PHLDB2: variants seen among roughly 807,000 people sequenced by gnomAD.
PHLDB2 encodes the protein pleckstrin homology like domain family B member 2, also known as pleckstrin homology-like domain family B member 2.
A neutral mutation model predicts 123.6 loss-of-function variants in PHLDB2; 71 were observed. The ratio of observed to expected loss-of-function variants is 0.57; its 90% CI spans 0.47 to 0.70. The LOEUF (loss-of-function observed/expected upper bound fraction) is 0.70, where lower values mean the gene tolerates loss of function less well. PHLDB2 is among the 30% of genes least tolerant of loss of function. PHLDB2 has a pLI of 0.00. For synonymous variants in PHLDB2, 547 were observed against 541.6 expected (o/e 1.01, Z -0.14); for missense variants, 1,446 against 1,519.5 (o/e 0.95, Z 0.80).
At position 111,967,731 on chromosome 3, in the gene PHLDB2, G is replaced by A. The variant is rs144203291; in HGVS notation, c.3222G>A (p.Arg1074=). ...KRALEEEKRR[R]EILEKRLQEE... ...CCCTGGAAGAAGAAAAACGACGCCGGGAAATCCTGGAAAAACGATTACAGG... is the reference window on the plus strand; with the variant it reads ...CCCTGGAAGAAGAAAAACGACGCCGAGAAATCCTGGAAAAACGATTACAGG... Residue 1074 remains arginine (R), a synonymous_variant, in exon 15 of 18, where the codon CGG becomes CGA. Coordinates refer to ENST00000431670, the MANE Select transcript of PHLDB2 (RefSeq NM_001134438.2). The A allele has an allele frequency of 6.2e-7, 1 of 1,612,724 alleles. No individual in the cohort carries two copies. Among genetic ancestry groups the A allele is most frequent in the Non-Finnish European group, 8.5e-7 (1 of 1,179,572 alleles).
chr3:111,950,319 C>T (rs546597798), intron 10 of PHLDB2, among the ~76,000 whole-genome samples: 3 of 152,222 alleles, frequency 2.0e-5, no homozygotes, highest in South Asian at 2.1e-4. Context: ...ATTTGTTAAA[C>T]GTTTTACTCC....
In PHLDB2 at chr3:111,832,222, A is replaced by G. The variant is rs144442227; in HGVS notation, c.-48-13599A>G. Among the ~76,000 whole-genome samples the G allele has an allele frequency of 7.5e-3, 1,146 of 152,256 alleles. 21 individuals carry two copies. Among genetic ancestry groups the G allele is most frequent in the African/African-American group, 0.026 (1,085 of 41,528 alleles). Reference sequence around the variant, plus strand: ...CACCACTTCATACCAAATACAAGTTAATCTACATCTCTTTTTCTTTTTACA... The same window carrying G: ...CACCACTTCATACCAAATACAAGTTGATCTACATCTCTTTTTCTTTTTACA... On this transcript the variant is annotated intron_variant, in intron 1 of 17. Coordinates refer to the PHLDB2 transcript ENST00000393923.
At chr3:111,865,067 C>T (rs1342844983) in intron 1 of PHLDB2, among the ~76,000 whole-genome samples, 1 of 152,170 alleles carries the variant, frequency 6.6e-6, no homozygotes, top group Non-Finnish European at 1.5e-5. Flanking sequence ...CAAAAGAAAC[C>T]CAGCTCCTAC....
At chr3:111,826,779 G>A (rs1262317320) in intron 1 of PHLDB2, among the ~76,000 whole-genome samples, 3 of 152,128 alleles carry the variant, frequency 2.0e-5, no homozygotes, top group African/African-American at 7.2e-5. Flanking sequence ...GCAGGGAGTG[G>A]TTTGATCAGC....
At chr3:111,899,242 G>T (rs1436730138) in intron 2 of PHLDB2, among the ~76,000 whole-genome samples, 2 of 152,184 alleles carry the variant, frequency 1.3e-5, no homozygotes, top group African/African-American at 4.8e-5. Flanking sequence ...TAGGTGTGTT[G>T]TCAGGGAGCA....
intron 7 of PHLDB2, 48 bp from the exon 8 acceptor site, chr3:111,940,487 T>C (rs2069800280): frequency 8.9e-7 from 1 of 1,123,448 alleles, no homozygotes; most frequent in Admixed American, 2.3e-5. Flanking sequence ...CTAGCAAACC[T>C]TTGAGTGTCT....
At chr3:111,847,389 T>A (rs941400240) in intron 2 of PHLDB2, among the ~76,000 whole-genome samples, 1 of 152,070 alleles carries the variant, frequency 6.6e-6, no homozygotes, top group Non-Finnish European at 1.5e-5. Flanking sequence ...TGCAGGAGAT[T>A]AGGGGAAAAA....
chr3:111,753,040 C>T (rs1002361158), intron 1 of PHLDB2, among the ~76,000 whole-genome samples: 1 of 152,068 alleles, frequency 6.6e-6, no homozygotes, highest in South Asian at 2.1e-4. Flanking sequence ...TCTTAATCCA[C>T]TCTATCATTG....
chr3:111,972,909 G>A (rs1167188494), intron 16 of PHLDB2, among the ~76,000 whole-genome samples: 3 of 152,088 alleles, frequency 2.0e-5, no homozygotes, highest in East Asian at 1.9e-4. Context: ...TTTTAATTGT[G>A]TTTGTTTTAC....
At chr3:111,920,499 A>G (rs1372407431) in intron 5 of PHLDB2, 80 bp downstream of exon 5, 4 of 1,511,934 alleles carry the variant, frequency 2.6e-6, no homozygotes, top group Admixed American at 3.9e-5. Flanking sequence ...TGTTGAATGC[A>G]TTACTGGGGT....
intron 1 of PHLDB2, among the ~76,000 whole-genome samples, chr3:111,763,249 C>T (rs75417509): frequency 0.05 from 7,672 of 152,306 alleles, 650 homozygotes; most frequent in African/African-American, 0.17. Flanking sequence ...GTGAACAATA[C>T]AGTGAATTTC....
chr3:111,737,423 C>T (rs540987381), intron 1 of PHLDB2, among the ~76,000 whole-genome samples: 1 of 152,092 alleles, frequency 6.6e-6, no homozygotes, highest in African/African-American at 2.4e-5. Context: ...GGGCAGTGAT[C>T]AAGCAGAGTG....
chr3:111,779,982 A>C, intron 1 of PHLDB2: 4 of 530,786 alleles, frequency 7.5e-6, no homozygotes, highest in Non-Finnish European at 9.6e-6. Flanking sequence ...GGACTCTGAC[A>C]TGTGTCTATT....
At chr3:111,851,702 C>T (rs746297160) in intron 2 of PHLDB2, among the ~76,000 whole-genome samples, 12 of 152,132 alleles carry the variant, frequency 7.9e-5, no homozygotes, top group Non-Finnish European at 1.5e-4. Context: ...TCCTGTTGTC[C>T]CGCAGCAAGA....
At chr3:111,866,014 ATTTTTTTTTT>A (rs61038523) in intron 1 of PHLDB2, among the ~76,000 whole-genome samples, 3 of 57,430 alleles carry the variant, frequency 5.2e-5, no homozygotes, top group Non-Finnish European at 8.9e-5. Context: ...CCACCCACTC[ATTTTTTTTTT>A]TTTTTTTTTT....
At chr3:111,938,000 A>C (rs922470659) in intron 6 of PHLDB2, among the ~76,000 whole-genome samples, 1 of 152,098 alleles carries the variant, frequency 6.6e-6, no homozygotes, top group African/African-American at 2.4e-5. Context: ...TTTCTAGACC[A>C]TCTGATTTTC....
At chr3:111,875,241 C>G (rs560944725) in intron 1 of PHLDB2, among the ~76,000 whole-genome samples, 2 of 152,092 alleles carry the variant, frequency 1.3e-5, no homozygotes, top group South Asian at 4.2e-4. Context: ...CTCCGCCTCC[C>G]GGGTTCAGGT....
intron 2 of PHLDB2, chr3:111,846,044 A>T (rs904501653): frequency 9.6e-6 from 11 of 1,141,388 alleles, no homozygotes; most frequent in Non-Finnish European, 1.3e-5. Flanking sequence ...GGAGTCCAGC[A>T]ATCATTGGGG....
intron 1 of PHLDB2, among the ~76,000 whole-genome samples, chr3:111,822,063 T>G (rs2062411529): frequency 6.6e-6 from 1 of 152,114 alleles, no homozygotes; most frequent in South Asian, 2.1e-4. Context: ...ATTTCAGTTT[T>G]CAGGAAACCC....
Sources: gnomAD v4.1 joint callset for allele counts (sites outside exome capture counted in the v4.1 genomes callset) on GRCh38, gnomAD v4.1.1 for gene constraint, MANE v1.5 for transcripts, NCBI Gene and HGNC (gene_info 2026-07-23, HGNC 2026-07-21) for gene names.